Variants in LHFPL3 observed in about 807,000 individuals in gnomAD.
LHFPL3 encodes the protein LHFPL tetraspan subfamily member 3.
In LHFPL3, 5 loss-of-function variants were observed where a neutral mutation model predicts 19.3. The ratio of observed to expected loss-of-function variants is 0.26; its 90% CI spans 0.14 to 0.54. The LOEUF is 0.54. LHFPL3 is among the 20% of genes least tolerant of loss of function. The probability of loss-of-function intolerance (pLI) is 0.94; values close to 1 mark genes in which losing one functional copy is unlikely to be tolerated. For synonymous variants in LHFPL3, 133 were observed against 126.2 expected (o/e 1.05, Z -0.36); for missense variants, 249 against 307.4 (o/e 0.81, Z 1.42).
At chr7:104,569,885 A>G (rs567764168) in intron 1 of LHFPL3, among the ~76,000 whole-genome samples, 1 of 152,318 alleles carries the variant, frequency 6.6e-6, no homozygotes, top group African/African-American at 2.4e-5. Context: ...TATATGCTCA[A>G]CCACTATGCC....
chr7:104,400,942 T>G (rs907810593), intron 1 of LHFPL3, among the ~76,000 whole-genome samples: 1 of 152,228 alleles, frequency 6.6e-6, no homozygotes, highest in African/African-American at 2.4e-5. Context: ...CATTACATTG[T>G]AGGAAATAAT....
intron 1 of LHFPL3, among the ~76,000 whole-genome samples, chr7:104,606,994 G>A (rs549815207): frequency 1.6e-4 from 24 of 152,290 alleles, no homozygotes; most frequent in Admixed American, 8.5e-4. Context: ...CAATACTGAT[G>A]TTATCTATAG....
chr7:104,569,219 T>C (rs1790180778), intron 1 of LHFPL3, among the ~76,000 whole-genome samples: 2 of 152,218 alleles, frequency 1.3e-5, no homozygotes, highest in Admixed American at 6.5e-5. Context: ...TTATCTCTAG[T>C]GTAGCACCCA....
rs138537214 is a variant in LHFPL3 at position 104,457,029 on chromosome 7, G to T, written c.445+127805G>T. Among the ~76,000 whole-genome samples the T allele has an allele frequency of 9.1e-4, 139 of 152,268 alleles. 1 individual carries two copies. Among genetic ancestry groups the T allele is most frequent in the African/African-American group, 3.0e-3 (126 of 41,562 alleles). On this transcript the variant is annotated intron_variant, in intron 1 of 2. Coordinates refer to ENST00000424859, the MANE Select transcript of LHFPL3 (RefSeq NM_199000.3). Reference sequence around the variant, plus strand: ...TATGGAAACTCTGATTAAGTTAGGAGATGTTGCCAATGAGATGATAAAAAA... The same window carrying T: ...TATGGAAACTCTGATTAAGTTAGGATATGTTGCCAATGAGATGATAAAAAA...
intron 2 of LHFPL3, among the ~76,000 whole-genome samples, chr7:104,829,659 C>G (rs1303463017): frequency 6.6e-6 from 1 of 151,848 alleles, no homozygotes; most frequent in Non-Finnish European, 1.5e-5. Flanking sequence ...AGGACATGAA[C>G]TCATCATTTT....
At chr7:104,402,424 A>G (rs17137313) in intron 1 of LHFPL3, among the ~76,000 whole-genome samples, 12,451 of 152,258 alleles carry the variant, frequency 0.082, 1,565 homozygotes, top group African/African-American at 0.26. Flanking sequence ...GTTTCCTCTT[A>G]GAATTTTCCT....
At chr7:104,867,028 C>G (rs1172306344) in intron 2 of LHFPL3, among the ~76,000 whole-genome samples, 1 of 152,094 alleles carries the variant, frequency 6.6e-6, no homozygotes, top group Non-Finnish European at 1.5e-5. Context: ...TTGAAACCAA[C>G]AAGAACAAAG....
chr7:104,357,652 A>C (rs1306820598), intron 1 of LHFPL3, among the ~76,000 whole-genome samples: 1 of 152,194 alleles, frequency 6.6e-6, no homozygotes, highest in African/African-American at 2.4e-5. Context: ...AATAGTGAAG[A>C]CTGGTTGGGC....
At chr7:104,412,526 A>G (rs570564608) in intron 1 of LHFPL3, among the ~76,000 whole-genome samples, 1 of 152,224 alleles carries the variant, frequency 6.6e-6, no homozygotes, top group East Asian at 1.9e-4. Context: ...GATCTGATCT[A>G]GTATCGAACT....
At chr7:104,733,616 C>A (rs145809621) in intron 1 of LHFPL3, among the ~76,000 whole-genome samples, 1,728 of 152,258 alleles carry the variant, frequency 0.011, 12 homozygotes, top group Middle Eastern at 0.027. Flanking sequence ...CTATGTGTGT[C>A]TCTGCACATG....
intron 1 of LHFPL3, among the ~76,000 whole-genome samples, chr7:104,375,269 C>T (rs963284839): frequency 6.6e-6 from 1 of 152,046 alleles, no homozygotes; most frequent in Non-Finnish European, 1.5e-5. Flanking sequence ...ACCTGGGAAG[C>T]AGAGGTTGCA....
At chr7:104,899,461 G>A (rs987345645) in intron 2 of LHFPL3, among the ~76,000 whole-genome samples, 3 of 151,994 alleles carry the variant, frequency 2.0e-5, no homozygotes, top group Admixed American at 1.3e-4. Flanking sequence ...GACAGACCTC[G>A]CTGAGAGAGA....
At chr7:104,391,606 A>T (rs1483891146) in intron 1 of LHFPL3, among the ~76,000 whole-genome samples, 1 of 152,228 alleles carries the variant, frequency 6.6e-6, no homozygotes, top group Non-Finnish European at 1.5e-5. Context: ...TATAGTTTGA[A>T]GTCAGGTAGT....
chr7:104,846,540 G>C (rs1584572679), intron 2 of LHFPL3, among the ~76,000 whole-genome samples: 1 of 150,672 alleles, frequency 6.6e-6, no homozygotes, highest in South Asian at 2.1e-4. Context: ...CTTGACTCCA[G>C]ATCCCTTAAT....
chr7:104,558,184 G>T (rs1427801099), intron 1 of LHFPL3, among the ~76,000 whole-genome samples: 18 of 151,502 alleles, frequency 1.2e-4, no homozygotes, highest in African/African-American at 4.1e-4. Flanking sequence ...AGTCCTTTGG[G>T]TATATACCCA....
intron 1 of LHFPL3, among the ~76,000 whole-genome samples, chr7:104,549,312 A>G (rs1794626826): frequency 3.3e-5 from 5 of 152,096 alleles, no homozygotes; most frequent in Non-Finnish European, 1.5e-5. Flanking sequence ...ATATATATAT[A>G]TATATATCAG....
At chr7:104,365,799 A>AAAG (rs1353301178) in intron 1 of LHFPL3, among the ~76,000 whole-genome samples, 3 of 148,880 alleles carry the variant, frequency 2.0e-5, no homozygotes, top group African/African-American at 7.4e-5. Context: ...AAAAAAAAAA[A>AAAG]AAAAAAGAAA....
rs1402136176 is a variant in LHFPL3 at position 104,907,268 on chromosome 7, T to G, written c.*1053T>G. 2 of 152,564 alleles carry G rather than the reference T, an allele frequency of 1.3e-5. No individual in the cohort carries two copies. Among genetic ancestry groups the G allele is most frequent in the Non-Finnish European group, 2.9e-5 (2 of 68,014 alleles). 9.5% of individuals were successfully genotyped at this position (152,564 alleles called of 1,614,324 possible). On this transcript the variant is annotated 3_prime_UTR_variant, in exon 3 of 3. Coordinates refer to ENST00000424859, the MANE Select transcript of LHFPL3 (RefSeq NM_199000.3). ...TTTAAAAATCATTCCATTAAACATA[T>G]TTCTAAATAATAGTAAGTGGTACTA...
rs184169189 is a variant in LHFPL3 at position 104,429,240 on chromosome 7, A to G, written c.445+100016A>G. On this transcript the variant is annotated intron_variant, in intron 1 of 2. Coordinates refer to ENST00000424859, the MANE Select transcript of LHFPL3 (RefSeq NM_199000.3). ...GCATAAAAAATACCAGAGCGTAGCAATAATTTAACCTCCTGGGAAAGATCC... is the reference window on the plus strand; with the variant it reads ...GCATAAAAAATACCAGAGCGTAGCAGTAATTTAACCTCCTGGGAAAGATCC... Among the ~76,000 whole-genome samples, 6 of 152,134 alleles carry G rather than the reference A, an allele frequency of 3.9e-5. No individual in the cohort carries two copies. In the East Asian group the frequency reaches 1.2e-3, roughly 29 times the overall value.
Sources: gnomAD v4.1 joint callset for allele counts (sites outside exome capture counted in the v4.1 genomes callset) on GRCh38, gnomAD v4.1.1 for gene constraint, MANE v1.5 for transcripts, NCBI Gene and HGNC (gene_info 2026-07-23, HGNC 2026-07-21) for gene names.